DENND1B: variants seen among roughly 807,000 people sequenced by gnomAD.
DENND1B encodes DENN domain-containing protein 1B.
DENND1B carries 59 observed loss-of-function variants against 90.1 expected under a neutral mutation model. The ratio of observed to expected loss-of-function variants is 0.65; its 90% confidence interval spans 0.53 to 0.81. The LOEUF is 0.81. Ranked by LOEUF, DENND1B falls within the 40% of genes least tolerant of loss-of-function variation. The pLI is 0.00. For synonymous variants in DENND1B, 337 were observed against 324.6 expected (o/e 1.04, Z -0.41); for missense variants, 862 against 912.6 (o/e 0.94, Z 0.71).
intron 10 of DENND1B, among the ~76,000 whole-genome samples, chr1:197,620,597 C>A (rs1572089822): frequency 6.6e-6 from 1 of 151,404 alleles, no homozygotes; most frequent in Admixed American, 6.6e-5. Flanking sequence ...GATCCACTTT[C>A]AAAATATATC....
At chr1:197,754,072 T>G in intron 2 of DENND1B, among the ~76,000 whole-genome samples, 1 of 151,614 alleles carries the variant, frequency 6.6e-6, no homozygotes, top group Admixed American at 6.6e-5. Context: ...CTTAAAAGAC[T>G]AAAAAAAACC....
intron 16 of DENND1B, among the ~76,000 whole-genome samples, chr1:197,547,179 C>T (rs1670870674): frequency 6.6e-6 from 1 of 152,064 alleles, no homozygotes; most frequent in African/African-American, 2.4e-5. Flanking sequence ...GTGGCCAGGG[C>T]ACTGTTTGAG....
intron 3 of DENND1B, among the ~76,000 whole-genome samples, chr1:197,694,011 C>T (rs534265226): frequency 6.6e-6 from 1 of 151,444 alleles, no homozygotes; most frequent in East Asian, 1.9e-4. Context: ...TACCTTCATA[C>T]CTACTTCTTA....
At chr1:197,545,052 A>G (rs796505263) in intron 18 of DENND1B, among the ~76,000 whole-genome samples, 2 of 124,842 alleles carry the variant, frequency 1.6e-5, no homozygotes, top group South Asian at 3.1e-4. Flanking sequence ...GGAGAAGGAG[A>G]AGAAGAAGAA....
intron 2 of DENND1B, among the ~76,000 whole-genome samples, chr1:197,759,787 T>G (rs1242023580): frequency 7.2e-6 from 1 of 139,692 alleles, no homozygotes; most frequent in Non-Finnish European, 1.5e-5. Flanking sequence ...GGAAGATACC[T>G]CTTAGAGAGC....
At chr1:197,774,046 A>C (rs1656954209) in intron 1 of DENND1B, among the ~76,000 whole-genome samples, 1 of 152,190 alleles carries the variant, frequency 6.6e-6, no homozygotes, top group Non-Finnish European at 1.5e-5. Flanking sequence ...GCAAATATAC[A>C]TTTTTTTAGC....
chr1:197,706,292 G>A (rs1369362965), intron 3 of DENND1B, among the ~76,000 whole-genome samples: 1 of 152,124 alleles, frequency 6.6e-6, no homozygotes, highest in African/African-American at 2.4e-5. Context: ...ACTTAAATTT[G>A]TATAATATAA....
At chr1:197,759,085 T>C (rs1654676488) in intron 2 of DENND1B, among the ~76,000 whole-genome samples, 1 of 149,046 alleles carries the variant, frequency 6.7e-6, no homozygotes, top group South Asian at 2.2e-4. Context: ...TTCTCCTGCC[T>C]CAGCCTCCCA....
intron 15 of DENND1B, among the ~76,000 whole-genome samples, chr1:197,553,634 A>G (rs1671443369): frequency 6.6e-6 from 1 of 152,168 alleles, no homozygotes; most frequent in Non-Finnish European, 1.5e-5. Context: ...TCAGCTTATT[A>G]ACTTCATTCA....
At chr1:197,670,296 A>C (rs1030726744) in intron 5 of DENND1B, among the ~76,000 whole-genome samples, 2 of 152,186 alleles carry the variant, frequency 1.3e-5, no homozygotes, top group Non-Finnish European at 2.9e-5. Context: ...GTTCAAAACA[A>C]AAGGCTCAGA....
rs1299275810 is a variant in DENND1B at position 197,506,430 on chromosome 1, G to A, written c.*4030C>T. 4 of 151,394 alleles carry A rather than the reference G, an allele frequency of 2.6e-5. No homozygotes were observed. The East Asian group carries it at 7.8e-4, about 29-fold the overall frequency. 9.4% of individuals were successfully genotyped at this position (151,394 alleles called of 1,614,324 possible). Reference sequence around the variant, plus strand: ...AAGTGCTTTGGAGGAAACTAGATTTGGGGATTCATTTTACATTCTTAAATA... The same window carrying A: ...AAGTGCTTTGGAGGAAACTAGATTTAGGGATTCATTTTACATTCTTAAATA... On this transcript the variant is annotated 3_prime_UTR_variant, in exon 23 of 23. Transcript: ENST00000620048.
At chr1:197,554,142 C>G (rs1671498307) in intron 15 of DENND1B, among the ~76,000 whole-genome samples, 1 of 125,246 alleles carries the variant, frequency 8.0e-6, no homozygotes, top group Non-Finnish European at 1.8e-5. Context: ...CACACACACA[C>G]ACACACGTAT....
chr1:197,672,107 T>C lies in DENND1B; in HGVS notation c.226A>G (p.Ile76Val), dbSNP rs1655572489. 6.2e-7 allele frequency: 1 copy of C among 1,612,684 alleles called. No homozygotes were observed. The highest frequency in any genetic ancestry group is 1.3e-5 in the African/African-American group (1 of 74,856). Residue 76 changes from isoleucine (I) to valine (V), a missense_variant, in exon 5 of 23, where the codon ATT (isoleucine) becomes GTT (valine). Transcript: ENST00000620048. ...GQHFTFVLTD[I>V]ESKQRFGFCR... ...AATCCAAATCTCTGTTTACTTTCAA[T>C]GTCTGTCAGTACAAAGGTAAAGTGC...
intron 3 of DENND1B, among the ~76,000 whole-genome samples, chr1:197,683,512 T>A (rs1343903082): frequency 1.3e-5 from 2 of 152,092 alleles, no homozygotes; most frequent in Non-Finnish European, 2.9e-5. Flanking sequence ...AAAACTGAGA[T>A]ATACAGAGGA....
chr1:197,684,844 C>T (rs1281787349), intron 3 of DENND1B, among the ~76,000 whole-genome samples: 1 of 152,138 alleles, frequency 6.6e-6, no homozygotes, highest in East Asian at 1.9e-4. Context: ...CTGGACCAGG[C>T]ACAGTGGCTC....
chr1:197,706,377 T>C (rs1231471247), intron 3 of DENND1B, among the ~76,000 whole-genome samples: 2 of 152,124 alleles, frequency 1.3e-5, no homozygotes, highest in African/African-American at 4.8e-5. Context: ...TGGGCAAAGA[T>C]TTCATAAAGA....
intron 15 of DENND1B, among the ~76,000 whole-genome samples, chr1:197,556,714 A>T (rs752349167): frequency 3.3e-5 from 5 of 152,010 alleles, no homozygotes; most frequent in Non-Finnish European, 7.4e-5. Context: ...CTCCTTCTGT[A>T]AAATGGGAGT....
intron 20 of DENND1B, among the ~76,000 whole-genome samples, chr1:197,523,107 T>A (rs1288845051): frequency 6.6e-6 from 1 of 152,140 alleles, no homozygotes; most frequent in Non-Finnish European, 1.5e-5. Context: ...TGGTTCAGGC[T>A]TGCAGGAAGT....
chr1:197,634,698 A>G (rs1679619495), intron 10 of DENND1B, among the ~76,000 whole-genome samples: 1 of 152,226 alleles, frequency 6.6e-6, no homozygotes, highest in African/African-American at 2.4e-5. Flanking sequence ...CACAGAAATT[A>G]GTGCCTAGGC....
Sources: gnomAD v4.1 joint callset for allele counts (sites outside exome capture counted in the v4.1 genomes callset) on GRCh38, gnomAD v4.1.1 for gene constraint, MANE v1.5 for transcripts, NCBI Gene and HGNC (gene_info 2026-07-23, HGNC 2026-07-21) for gene names.